SMIM14: variants seen among roughly 807,000 people sequenced by gnomAD.
SMIM14 encodes the protein small integral membrane protein 14.
SMIM14 carries 5 observed loss-of-function variants against 12.6 expected under a neutral mutation model. The ratio of observed to expected loss-of-function variants is 0.40; its 90% CI spans 0.21 to 0.83. The LOEUF is 0.83. Among genes scored for constraint, SMIM14 ranks in the 40% least tolerant of loss-of-function variants. SMIM14 has a pLI of 0.37. For missense variants in SMIM14, 86 were observed against 119.1 expected (o/e 0.72, Z 1.29); for synonymous variants, 30 against 40.1 (o/e 0.75, Z 0.95).
chr4:39,582,951 C>T (rs1227565853), intron 2 of SMIM14, among the ~76,000 whole-genome samples: 1 of 151,968 alleles, frequency 6.6e-6, no homozygotes, highest in African/African-American at 2.4e-5. Context: ...CACCATCACA[C>T]CCGGCTAATT....
In SMIM14 at chr4:39,601,634, C is replaced by G. The variant is rs147595256; in HGVS notation, c.75+3437G>C. Among the ~76,000 whole-genome samples, 374 of 152,276 alleles carry G rather than the reference C, an allele frequency of 2.5e-3. 2 individuals are homozygous for G. Among genetic ancestry groups the G allele is most frequent in the Non-Finnish European group, 3.7e-3 (252 of 68,024 alleles). On this transcript the variant is annotated intron_variant, in intron 2 of 4. Transcript: ENST00000295958. ...AACAGGTACTAAGAAAAAAGGTCCT[C>G]TGAAGTATAAAAGTAGAAGATAATG...
chr4:39,595,852 G>A (rs1037042857), intron 2 of SMIM14, among the ~76,000 whole-genome samples: 5 of 151,680 alleles, frequency 3.3e-5, no homozygotes, highest in African/African-American at 4.8e-5. Flanking sequence ...TCAAGTGATC[G>A]GTGGCCTCTG....
Position 39,547,106 on chromosome 4 carries a change from T to C in SMIM14, c.*5020A>G, listed in dbSNP as rs1002446308. The stretch of plus-strand genomic sequence containing the variant: ...CTAATTTCCAAGAGAGAAACTCTAC[T>C]TCTGAATACTGGCCCCATACTGCAT... On this transcript the variant is annotated 3_prime_UTR_variant, in exon 5 of 5. Transcript: ENST00000295958. 3 of 152,242 alleles carry C rather than the reference T, an allele frequency of 2.0e-5. No homozygotes were observed. Among genetic ancestry groups the C allele is most frequent in the Non-Finnish European group, 4.4e-5 (3 of 68,032 alleles). The allele number at this position is 152,242 out of a possible 1,614,324, so 9.4% of individuals were successfully genotyped here.
chr4:39,556,043 G>A (rs771424073), intron 4 of SMIM14, among the ~76,000 whole-genome samples: 13 of 152,188 alleles, frequency 8.5e-5, no homozygotes, highest in Non-Finnish European at 1.3e-4. Flanking sequence ...GTGTGCTAGT[G>A]CATGCCTGTG....
Position 39,572,436 on chromosome 4 carries a change from CTG to C in SMIM14, c.101_102del (p.Thr34ArgfsTer14), listed in dbSNP as rs753779669. The C allele has an allele frequency of 6.2e-7, 1 of 1,611,276 alleles. No homozygotes were observed. The highest frequency in any genetic ancestry group is 8.5e-7 in the Non-Finnish European group (1 of 1,178,840). ...TTACATTCCTGAAGACACTCTGTGT[CTG>C]TGCAGTAGGACTGGGACTGCCGTAA... ...NLLRQSQSYC[T>X]DTECLQELPG... On this transcript the variant is annotated frameshift_variant, in exon 3 of 5. Coordinates refer to ENST00000295958, the MANE Select transcript of SMIM14 (RefSeq NM_174921.3). LOFTEE classifies it high-confidence loss of function.
intron 2 of SMIM14, among the ~76,000 whole-genome samples, chr4:39,590,209 T>C (rs947966854): frequency 9.3e-5 from 14 of 151,294 alleles, no homozygotes; most frequent in Admixed American, 7.3e-4. Flanking sequence ...AGGTTGGGAG[T>C]TCGAGACCAG....
chr4:39,612,699 C>G (rs1259765242), intron 1 of SMIM14, among the ~76,000 whole-genome samples: 1 of 152,240 alleles, frequency 6.6e-6, no homozygotes, highest in Non-Finnish European at 1.5e-5. Context: ...TTGCCAGGCT[C>G]CAGCAATCCT....
chr4:39,634,999 C>G (rs1390786928), intron 1 of SMIM14, among the ~76,000 whole-genome samples: 2 of 152,156 alleles, frequency 1.3e-5, no homozygotes, highest in Non-Finnish European at 2.9e-5. Flanking sequence ...GGAGACGGAA[C>G]ATTTTTTTAA....
chr4:39,591,227 T>G (rs1471582673), intron 2 of SMIM14, among the ~76,000 whole-genome samples: 1 of 152,104 alleles, frequency 6.6e-6, no homozygotes, highest in Non-Finnish European at 1.5e-5. Context: ...ATTTTTGATT[T>G]ACAGTTGGCT....
intron 3 of SMIM14, among the ~76,000 whole-genome samples, chr4:39,571,965 C>T (rs1712914063): frequency 6.6e-6 from 1 of 151,756 alleles, no homozygotes; most frequent in East Asian, 1.9e-4. Context: ...CACCATGCCC[C>T]ACTAATTTTT....
intron 4 of SMIM14, among the ~76,000 whole-genome samples, chr4:39,554,584 G>A (rs7661970): frequency 0.2 from 29,181 of 148,734 alleles, 3,432 homozygotes; most frequent in South Asian, 0.42. Context: ...CTTCAGCCTG[G>A]AGGACAGAGT....
At chr4:39,596,384 C>T (rs565860266) in intron 2 of SMIM14, among the ~76,000 whole-genome samples, 128 of 152,184 alleles carry the variant, frequency 8.4e-4, no homozygotes, top group South Asian at 3.5e-3. Context: ...CGTGAGCCAC[C>T]GGGCCCGGCC....
At chr4:39,637,490 A>G (rs1716139647) in intron 1 of SMIM14, among the ~76,000 whole-genome samples, 1 of 152,110 alleles carries the variant, frequency 6.6e-6, no homozygotes, top group Non-Finnish European at 1.5e-5. Context: ...TGGGTTTGAT[A>G]AGGAGCAATT....
At chr4:39,567,370 A>G (rs6849108) in intron 3 of SMIM14, among the ~76,000 whole-genome samples, 147,742 of 152,190 alleles carry the variant, frequency 0.97, 71,862 homozygotes, top group Non-Finnish European at 1. Flanking sequence ...TTGGGAGGCC[A>G]AGGCAGGTGG....
At chr4:39,576,194 CTTT>C (rs758589176) in intron 2 of SMIM14, among the ~76,000 whole-genome samples, 1 of 144,436 alleles carries the variant, frequency 6.9e-6, no homozygotes, top group Non-Finnish European at 1.5e-5. Context: ...CATGCTTGGT[CTTT>C]TTTTTTTTTC....
At chr4:39,612,211 G>A (rs1286455315) in intron 1 of SMIM14, 1 of 151,526 alleles carries the variant, frequency 6.6e-6, no homozygotes, top group African/African-American at 2.4e-5. Context: ...ACCCTTATAT[G>A]TAAAGTTCAC....
intron 1 of SMIM14, among the ~76,000 whole-genome samples, chr4:39,618,861 C>T (rs1715324561): frequency 6.6e-6 from 1 of 151,788 alleles, no homozygotes; most frequent in Non-Finnish European, 1.5e-5. Flanking sequence ...GGTGTCAAGC[C>T]CCCTGTTGAG....
chr4:39,574,458 G>T (rs1713067169), intron 2 of SMIM14, among the ~76,000 whole-genome samples: 1 of 151,972 alleles, frequency 6.6e-6, no homozygotes, highest in African/African-American at 2.4e-5. Flanking sequence ...GCCCAGGCTG[G>T]TCTCAAACTC....
chr4:39,601,334 C>T (rs766204950), intron 2 of SMIM14, among the ~76,000 whole-genome samples: 3 of 152,104 alleles, frequency 2.0e-5, no homozygotes, highest in Non-Finnish European at 2.9e-5. Flanking sequence ...AACCCAATTA[C>T]ATTACATGAG....
Sources: gnomAD v4.1 joint callset for allele counts (sites outside exome capture counted in the v4.1 genomes callset) on GRCh38, gnomAD v4.1.1 for gene constraint, MANE v1.5 for transcripts, NCBI Gene and HGNC (gene_info 2026-07-23, HGNC 2026-07-21) for gene names.